Variants in SDK1 observed in about 807,000 individuals in gnomAD.
SDK1 encodes the protein sidekick cell adhesion molecule 1, also known as protein sidekick-1.
In SDK1, 157 loss-of-function variants were observed where a neutral mutation model predicts 245.5. The observed-to-expected ratio is 0.64, with a 90% CI of 0.56 to 0.73. The LOEUF (loss-of-function observed/expected upper bound fraction) is 0.73, where lower values mean the gene tolerates loss of function less well. Among genes scored for constraint, SDK1 ranks in the 30% least tolerant of loss-of-function variants. SDK1 has a pLI of 0.00. For synonymous variants in SDK1, 1,647 were observed against 1,278.5 expected (o/e 1.29, Z -6.15); for missense variants, 3,583 against 3,002.3 (o/e 1.19, Z -4.52).
At chr7:4,058,155 C>CA (rs1779314260) in intron 19 of SDK1, among the ~76,000 whole-genome samples, 1 of 151,068 alleles carries the variant, frequency 6.6e-6, no homozygotes, top group South Asian at 2.1e-4. Flanking sequence ...CAAAATAATC[C>CA]AAAAAACATT....
intron 31 of SDK1, among the ~76,000 whole-genome samples, chr7:4,159,682 GC>G (rs969147533): frequency 2.6e-4 from 39 of 152,348 alleles, no homozygotes; most frequent in Admixed American, 2.4e-3. Context: ...GCCGGGCTGA[GC>G]CCCAGGAGCT....
At chr7:3,614,789 G>GT (rs1037028214) in intron 1 of SDK1, among the ~76,000 whole-genome samples, 1 of 152,150 alleles carries the variant, frequency 6.6e-6, no homozygotes, top group African/African-American at 2.4e-5. Flanking sequence ...ATTCCAGGGT[G>GT]TTGACATATT....
intron 1 of SDK1, among the ~76,000 whole-genome samples, chr7:3,496,390 C>G (rs76214204): frequency 0.015 from 2,258 of 146,992 alleles, 75 homozygotes; most frequent in African/African-American, 0.058. Flanking sequence ...GCCATTTTAT[C>G]TTCTTTTTAT....
intron 44 of SDK1, among the ~76,000 whole-genome samples, chr7:4,251,779 G>A (rs1787315550): frequency 6.6e-6 from 1 of 152,230 alleles, no homozygotes; most frequent in Non-Finnish European, 1.5e-5. Context: ...GTCTTTTTAA[G>A]GCTAGTGGTC....
chr7:3,304,046 T>C (rs551925961), intron 1 of SDK1, among the ~76,000 whole-genome samples: 2 of 152,322 alleles, frequency 1.3e-5, no homozygotes, highest in East Asian at 3.9e-4. Flanking sequence ...AGGTCGTGTA[T>C]TTTGAGAAAA....
At chr7:3,521,424 C>G (rs565113409) in intron 1 of SDK1, among the ~76,000 whole-genome samples, 3 of 141,914 alleles carry the variant, frequency 2.1e-5, no homozygotes, top group East Asian at 4.2e-4. Context: ...TGAGCCTGTT[C>G]TCATGTATAC....
At chr7:3,597,344 A>C (rs1781100150) in intron 1 of SDK1, among the ~76,000 whole-genome samples, 1 of 151,660 alleles carries the variant, frequency 6.6e-6, no homozygotes, top group South Asian at 2.1e-4. Flanking sequence ...CTTTGTACTG[A>C]GAAAACTTCT....
intron 4 of SDK1, among the ~76,000 whole-genome samples, chr7:3,800,105 A>T (rs553283075): frequency 6.6e-6 from 1 of 152,130 alleles, no homozygotes; most frequent in African/African-American, 2.4e-5. Context: ...TCAGTCTCCA[A>T]CGTTTCTGTT....
chr7:3,716,053 G>T (rs191622622), intron 4 of SDK1, among the ~76,000 whole-genome samples: 7 of 151,592 alleles, frequency 4.6e-5, no homozygotes, highest in Non-Finnish European at 1.0e-4. Flanking sequence ...AAGATAGATC[G>T]GTGAATATGA....
chr7:3,971,398 AT>A, intron 11 of SDK1, 67 bp from the exon 12 acceptor site: 1 of 1,048,160 alleles, frequency 9.5e-7, no homozygotes, highest in Non-Finnish European at 1.5e-6. Flanking sequence ...CCAGGGCATT[AT>A]CCCCCCTGAG....
intron 1 of SDK1, among the ~76,000 whole-genome samples, chr7:3,572,707 A>C (rs1004478301): frequency 1.3e-5 from 2 of 152,060 alleles, no homozygotes; most frequent in African/African-American, 4.8e-5. Flanking sequence ...GATACTAGGT[A>C]TAGAGGATTT....
chr7:3,843,444 C>A (rs1487239657), intron 5 of SDK1, among the ~76,000 whole-genome samples: 3 of 152,196 alleles, frequency 2.0e-5, no homozygotes, highest in African/African-American at 7.2e-5. Context: ...TGTTACATTC[C>A]TATCACCCGC....
intron 28 of SDK1, among the ~76,000 whole-genome samples, chr7:4,136,238 AACCTGTC>A (rs1212626972): frequency 6.6e-6 from 1 of 152,186 alleles, no homozygotes; most frequent in Non-Finnish European, 1.5e-5. Context: ...TTGTCCGGGT[AACCTGTC>A]ACCCATGGGT....
At chr7:3,422,305 T>C (rs576177474) in intron 1 of SDK1, among the ~76,000 whole-genome samples, 131 of 152,240 alleles carry the variant, frequency 8.6e-4, no homozygotes, top group African/African-American at 3.1e-3. Context: ...AAAAAAAATT[T>C]AGAAAATACT....
intron 1 of SDK1, among the ~76,000 whole-genome samples, chr7:3,556,143 T>C (rs1014885385): frequency 6.6e-6 from 1 of 152,176 alleles, no homozygotes; most frequent in African/African-American, 2.4e-5. Context: ...CTATTCACAA[T>C]AGCCAACATT....
At chr7:3,311,781 G>T (rs1381597846) in intron 1 of SDK1, among the ~76,000 whole-genome samples, 2 of 152,144 alleles carry the variant, frequency 1.3e-5, no homozygotes, top group African/African-American at 4.8e-5. Context: ...GAACAAACAA[G>T]CGTTTCTGAA....
chr7:3,343,252 C>G (rs1316888944), intron 1 of SDK1, among the ~76,000 whole-genome samples: 7 of 152,116 alleles, frequency 4.6e-5, no homozygotes, highest in Non-Finnish European at 7.4e-5. Context: ...ATAAATACCC[C>G]TACACAGGAA....
intron 1 of SDK1, among the ~76,000 whole-genome samples, chr7:3,539,944 A>G (rs991541093): frequency 2.0e-5 from 3 of 152,254 alleles, no homozygotes; most frequent in Non-Finnish European, 4.4e-5. Context: ...GCCAGTAGGC[A>G]TAATGACATA....
At chr7:3,424,646 C>T (rs765290671) in intron 1 of SDK1, among the ~76,000 whole-genome samples, 2 of 152,160 alleles carry the variant, frequency 1.3e-5, no homozygotes, top group Non-Finnish European at 2.9e-5. Flanking sequence ...CCGGTAATCC[C>T]AGCACTTTGG....
Sources: allele counts gnomAD v4.1 joint callset (sites outside exome capture counted in the v4.1 genomes callset), GRCh38; gene constraint gnomAD v4.1.1; transcripts MANE v1.5; gene names NCBI Gene and HGNC (gene_info 2026-07-23, HGNC 2026-07-21).